Variants in LRRC34 observed in about 807,000 individuals in gnomAD.
LRRC34 encodes leucine rich repeat containing 34.
A neutral mutation model predicts 48.5 loss-of-function variants in LRRC34; 44 were observed. The ratio of observed to expected loss-of-function variants is 0.91; its 90% CI spans 0.71 to 1.17. The LOEUF is 1.17. Ranked by LOEUF, LRRC34 falls within the 50% of genes most tolerant of loss-of-function variation. LRRC34 has a pLI of 0.00. For missense variants in LRRC34, 502 were observed against 563.0 expected (o/e 0.89, Z 1.10); for synonymous variants, 192 against 197.6 (o/e 0.97, Z 0.24).
rs1413419897 is a variant in LRRC34, at chr3:169,806,922, T to A, written c.454A>T (p.Asn152Tyr). The stretch of plus-strand genomic sequence containing the variant: ...AACATGAGGTTTAAGTAAATGAGAT[T>A]AAGTTGTTTCTATAAGAGAAAAGAA... ...YAAKLLQKQLNLIYLNLMFND... is the reference protein window; with the variant it reads ...YAAKLLQKQLYLIYLNLMFND... The change falls in exon 5 of 11, where the codon AAT (asparagine) becomes TAT (tyrosine). Residue 152 changes from asparagine (N) to tyrosine (Y), a missense_variant. Asn to Tyr is a moderately radical substitution (Grantham distance 143). Transcript: ENST00000446859. 1 of 1,595,226 alleles carries A rather than the reference T, an allele frequency of 6.3e-7. No homozygotes were observed. The highest frequency in any genetic ancestry group is 8.6e-7 in the Non-Finnish European group (1 of 1,165,898).
At chr3:169,810,908 T>C (rs778446445) in intron 1 of LRRC34, among the ~76,000 whole-genome samples, 27 of 152,080 alleles carry the variant, frequency 1.8e-4, no homozygotes, top group Admixed American at 3.9e-4. Flanking sequence ...CTACCAAAAA[T>C]ACAAAAATTA....
intron 7 of LRRC34, among the ~76,000 whole-genome samples, chr3:169,799,510 A>C (rs886934216): frequency 2.0e-5 from 3 of 152,044 alleles, no homozygotes; most frequent in African/African-American, 7.2e-5. Flanking sequence ...AAAAAAATTT[A>C]GGTGGGCATG....
At chr3:169,795,431 T>C in intron 10 of LRRC34, 54 bp downstream of exon 10, 1 of 1,542,980 alleles carries the variant, frequency 6.5e-7, no homozygotes, top group South Asian at 1.2e-5. Flanking sequence ...TATCTGATGT[T>C]ACAGAGATGA....
chr3:169,799,693 CATT>C (rs1447868800), intron 7 of LRRC34, among the ~76,000 whole-genome samples: 4 of 151,958 alleles, frequency 2.6e-5, no homozygotes, highest in South Asian at 2.1e-4. Context: ...CAAACACTGA[CATT>C]GATTGATTGA....
chr3:169,798,934 ATTTAT>A (rs1207994474), intron 7 of LRRC34, among the ~76,000 whole-genome samples: 1 of 152,122 alleles, frequency 6.6e-6, no homozygotes, highest in Non-Finnish European at 1.5e-5. Flanking sequence ...GTGCTATGTA[ATTTAT>A]TTGACTTTAA....
chr3:169,796,899 C>T lies in LRRC34; in HGVS notation c.754G>A (p.Glu252Lys). 1 of 1,526,444 alleles carries T rather than the reference C, an allele frequency of 6.6e-7. No homozygotes were observed. The highest frequency in any genetic ancestry group is 8.8e-7 in the Non-Finnish European group (1 of 1,135,164). 94.6% of individuals were successfully genotyped at this position (1,526,444 alleles called of 1,614,324 possible). The change falls in exon 8 of 11, where the codon GAA (glutamate) becomes AAA (lysine). Residue 252 changes from glutamate (E) to lysine (K), a missense_variant and splice_region_variant. Coordinates refer to ENST00000446859, the MANE Select transcript of LRRC34 (RefSeq NM_001172779.2). ...CGGCCTACATGGACTGTAGACTCTT[C>T]CTAAAAGTGGATAAAATCTTATTTC... The part of the protein sequence containing the change: ...LNRPILYSEQ[E>K]ESTVHVGRML...
chr3:169,805,633 C>A (rs1023306275), intron 5 of LRRC34, among the ~76,000 whole-genome samples: 1 of 151,830 alleles, frequency 6.6e-6, no homozygotes, highest in Non-Finnish European at 1.5e-5. Context: ...GCCTGTAATC[C>A]CAGCACTTTG....
chr3:169,805,710 C>G (rs556716488), intron 5 of LRRC34, among the ~76,000 whole-genome samples: 1 of 151,878 alleles, frequency 6.6e-6, no homozygotes, highest in Non-Finnish European at 1.5e-5. Context: ...CGTGGAGAAA[C>G]CCTGTCTCTA....
At chr3:169,796,410 G>A in intron 8 of LRRC34, 41 bp from the exon 9 acceptor site, 1 of 1,574,798 alleles carries the variant, frequency 6.4e-7, no homozygotes, top group Non-Finnish European at 8.6e-7. Context: ...ATATGAAATA[G>A]TGTTTTTATT....
Position 169,812,647 on chromosome 3 carries a change from G to C in LRRC34, c.-99C>G, listed in dbSNP as rs1375702757. 7.2e-7 allele frequency: 1 copy of C among 1,387,836 alleles called. No homozygotes were observed. The highest frequency in any genetic ancestry group is 9.3e-7 in the Non-Finnish European group (1 of 1,073,568). 86.0% of individuals were successfully genotyped at this position (1,387,836 alleles called of 1,614,324 possible). On this transcript the variant is annotated 5_prime_UTR_variant, in exon 1 of 11. Transcript: ENST00000446859. This position sits in a 1 kb window ranked among gnomAD's most constrained non-coding sequence, Gnocchi z 4.3. Reference sequence around the variant, plus strand: ...CGAGTCCCGCTGGCTGTGCCTGCCCGGGCCCTGAGGCCTCACTGCTAAGGC... The same window carrying C: ...CGAGTCCCGCTGGCTGTGCCTGCCCCGGCCCTGAGGCCTCACTGCTAAGGC...
At chr3:169,795,463 A>G in intron 10 of LRRC34, 22 bp downstream of exon 10, 1 of 1,584,112 alleles carries the variant, frequency 6.3e-7, no homozygotes. Context: ...GCCTTCAGTG[A>G]AGGAAAAAAC....
At chr3:169,806,970 G>A in intron 4 of LRRC34, 39 bp from the exon 5 acceptor site, 1 of 1,311,746 alleles carries the variant, frequency 7.6e-7, no homozygotes, top group Non-Finnish European at 1.1e-6. Context: ...TATTATTATT[G>A]GAAATTGGTC....
rs1208876667 is a variant in LRRC34, at chr3:169,808,669, T to C, written c.216A>G (p.Ile72Met). ...CATCCACTTCTTGGAGTATATGCAA[T>C]ATAAAAGGATTAATTTTCTGGGATT... ...MEKSQKINPFILHILQEVDEE... is the reference protein window; with the variant it reads ...MEKSQKINPFMLHILQEVDEE... The change falls in exon 2 of 11, where the codon ATA (isoleucine) becomes ATG (methionine). Residue 72 changes from isoleucine to methionine, a missense_variant. Ile to Met is a conservative substitution (Grantham distance 10, BLOSUM62 1). Transcript: ENST00000446859. 3 of 1,586,098 alleles carry C rather than the reference T, an allele frequency of 1.9e-6. No individual in the cohort carries two copies. Among genetic ancestry groups the C allele is most frequent in the African/African-American group, 1.4e-5 (1 of 74,054 alleles).
chr3:169,801,862 G>C (rs986887601), intron 6 of LRRC34, among the ~76,000 whole-genome samples: 1 of 151,954 alleles, frequency 6.6e-6, no homozygotes, highest in Non-Finnish European at 1.5e-5. Context: ...GCCCAGGCTG[G>C]AGTGCAGTGG....
chr3:169,798,026 T>C (rs565451431), intron 7 of LRRC34, among the ~76,000 whole-genome samples: 31 of 152,334 alleles, frequency 2.0e-4, no homozygotes, highest in African/African-American at 4.3e-4. Context: ...ACTGAAAAGA[T>C]ACACCCAAAG....
chr3:169,810,514 A>G (rs1489280225), intron 1 of LRRC34, among the ~76,000 whole-genome samples: 1 of 152,210 alleles, frequency 6.6e-6, no homozygotes, highest in East Asian at 1.9e-4. Context: ...TACGTATTAA[A>G]AAAAGCTTCA....
rs1345881812 is a variant in LRRC34, at chr3:169,812,591, C to A, written c.-43G>T. The A allele has an allele frequency of 7.0e-7, 1 of 1,426,928 alleles. No homozygotes were observed. The highest frequency in any genetic ancestry group is 9.1e-7 in the Non-Finnish European group (1 of 1,097,556). The allele number at this position is 1,426,928 out of a possible 1,614,324, so 88.4% of individuals were successfully genotyped here. A position where few individuals can be genotyped will look rare whatever the true frequency, so the allele number is the denominator to read the frequency against. On this transcript the variant is annotated 5_prime_UTR_variant, in exon 1 of 11. Coordinates refer to ENST00000446859, the MANE Select transcript of LRRC34 (RefSeq NM_001172779.2). This position sits in a 1 kb window ranked among gnomAD's most constrained non-coding sequence, Gnocchi z 4.3. ...TTACAGTCCGCCTGCAGCTGTGAGG[C>A]GGCTACACGAGCCTCGGCGCCAGCC...
chr3:169,809,958 CTTTTT>C (rs11344572), intron 1 of LRRC34, among the ~76,000 whole-genome samples: 1 of 138,234 alleles, frequency 7.2e-6, no homozygotes. Context: ...TTGGAAATTT[CTTTTT>C]TTTTTTTTTT....
intron 7 of LRRC34, among the ~76,000 whole-genome samples, chr3:169,798,760 C>T (rs530370027): frequency 1.3e-5 from 2 of 152,120 alleles, no homozygotes; most frequent in South Asian, 2.1e-4. Context: ...GTATTTAGCC[C>T]TCGAATCTCC....
Sources: gnomAD v4.1 joint callset for allele counts (sites outside exome capture counted in the v4.1 genomes callset) on GRCh38, gnomAD v4.1.1 for gene constraint, Gnocchi (gnomAD v3.1) non-coding constraint, MANE v1.5 for transcripts, NCBI Gene and HGNC (gene_info 2026-07-23, HGNC 2026-07-21) for gene names.